The following THADA variants were observed in gnomAD, a reference collection of about 807,000 sequenced individuals.
THADA encodes the protein tRNA (32-2'-O)-methyltransferase regulator THADA.
THADA carries 213 observed loss-of-function variants against 219.8 expected under a neutral mutation model. That is an observed-to-expected ratio of 0.97 (90% CI 0.87 to 1.09). THADA has a LOEUF of 1.09. Among genes scored for constraint, THADA ranks in the 50% least tolerant of loss-of-function variants. The probability of loss-of-function intolerance (pLI) is 0.00; values close to 1 mark genes in which losing one functional copy is unlikely to be tolerated. For missense variants in THADA, 2,956 were observed against 2,311.3 expected (o/e 1.28, Z -5.72); for synonymous variants, 1,018 against 828.9 (o/e 1.23, Z -3.92).
intron 4 of THADA, among the ~76,000 whole-genome samples, chr2:43,589,484 A>T (rs893095901): frequency 2.6e-5 from 4 of 152,244 alleles, no homozygotes; most frequent in African/African-American, 9.6e-5. Flanking sequence ...TACTTAATGT[A>T]TACAGTTTCA....
intron 26 of THADA, among the ~76,000 whole-genome samples, chr2:43,432,982 CTATT>C (rs978414369): frequency 1.2e-4 from 18 of 152,218 alleles, no homozygotes; most frequent in African/African-American, 4.3e-4. Context: ...ACAAAGTTCA[CTATT>C]TAATCAATTT....
At chr2:43,343,137 C>G (rs1215567332) in intron 30 of THADA, 1 of 152,238 alleles carries the variant, frequency 6.6e-6, no homozygotes, top group East Asian at 1.9e-4. Flanking sequence ...AAACCATCCT[C>G]CTGCCTTAGC....
intron 7 of THADA, among the ~76,000 whole-genome samples, chr2:43,583,737 A>G (rs750042569): frequency 3.9e-4 from 59 of 152,302 alleles, no homozygotes; most frequent in South Asian, 1.0e-3. Context: ...AAAAGGAATG[A>G]AATTCTGATA....
chr2:43,324,511 C>T (rs770052016), intron 30 of THADA, among the ~76,000 whole-genome samples: 1 of 152,212 alleles, frequency 6.6e-6, no homozygotes, highest in Non-Finnish European at 1.5e-5. Context: ...AATTCCAGCC[C>T]GGAGCCCACT....
intron 26 of THADA, among the ~76,000 whole-genome samples, chr2:43,439,168 C>A (rs1488347401): frequency 6.6e-6 from 1 of 152,116 alleles, no homozygotes; most frequent in Non-Finnish European, 1.5e-5. Context: ...CTTGGTCAAA[C>A]ATGGTTCGAA....
At chr2:43,290,958 T>C (rs1237809261) in intron 34 of THADA, among the ~76,000 whole-genome samples, 1 of 152,092 alleles carries the variant, frequency 6.6e-6, no homozygotes, top group Non-Finnish European at 1.5e-5. Flanking sequence ...GGCCATGTTC[T>C]GGGGGAATAT....
Position 43,577,120 on chromosome 2 carries a change from C to T in THADA, c.939G>A (p.Gly313=), listed in dbSNP as rs772902803. Reference sequence around the variant, plus strand: ...TCTGCCAGTCCAACATGGCAAGTGTCCCCTGACAGAGGAATAAGACAGCTG... The same window carrying T: ...TCTGCCAGTCCAACATGGCAAGTGTTCCCTGACAGAGGAATAAGACAGCTG... ...SQSAVLFLCQ[G]TLAMLDWQNG... The change falls in exon 10 of 38, where the codon GGG becomes GGA. Residue 313 remains glycine, a synonymous_variant. Coordinates refer to ENST00000405975, the MANE Select transcript of THADA (RefSeq NM_022065.5). The T allele has an allele frequency of 3.7e-6, 6 of 1,613,002 alleles. No individual in the cohort carries two copies. The highest frequency in any genetic ancestry group is 2.2e-5 in the East Asian group (1 of 44,864).
intron 25 of THADA, among the ~76,000 whole-genome samples, chr2:43,486,029 A>C (rs1165856631): frequency 1.3e-5 from 2 of 152,052 alleles, no homozygotes; most frequent in Non-Finnish European, 2.9e-5. Flanking sequence ...GGCTGCAGTA[A>C]GCTATGATTG....
chr2:43,495,168 T>A (rs1267437679), intron 25 of THADA, among the ~76,000 whole-genome samples: 2 of 152,200 alleles, frequency 1.3e-5, no homozygotes, highest in Non-Finnish European at 2.9e-5. Flanking sequence ...AAGTGAATAC[T>A]TCTTCACATC....
intron 36 of THADA, among the ~76,000 whole-genome samples, chr2:43,262,489 G>T (rs558643245): frequency 6.6e-6 from 1 of 151,672 alleles, no homozygotes; most frequent in Admixed American, 6.5e-5. Context: ...CACTCATATG[G>T]AATGGACTGC....
rs763678654 is a variant in THADA at position 43,344,226 on chromosome 2, C to T, written c.4239G>A (p.Leu1413=). ...GTTTGGAGTCTGAGTAGGCTTGCAA[C>T]AAATGAAAAACCTAAACCAAAAAAG... is the stretch of plus-strand genomic sequence containing the variant. The part of the protein sequence containing the change: ...IHGTLLQVFH[L]LQAYSDSKHG... The change falls in exon 30 of 38, where the codon TTG becomes TTA. Residue 1413 remains leucine (L), a synonymous_variant. Coordinates refer to ENST00000405975, the MANE Select transcript of THADA (RefSeq NM_022065.5). 3.1e-5 allele frequency: 49 copies of T among 1,600,748 alleles called. No homozygotes were observed. The Middle Eastern group carries it at 5.0e-4, about 16-fold the overall frequency.
At chr2:43,375,967 AC>A (rs1401125624) in intron 29 of THADA, among the ~76,000 whole-genome samples, 1 of 152,148 alleles carries the variant, frequency 6.6e-6, no homozygotes, top group Non-Finnish European at 1.5e-5. Context: ...AAGAAACACC[AC>A]CCACCTGCAA....
At chr2:43,558,665 C>T (rs1383789135) in intron 16 of THADA, among the ~76,000 whole-genome samples, 1 of 152,164 alleles carries the variant, frequency 6.6e-6, no homozygotes. Context: ...TCAGCTTTAG[C>T]TTCCTTGCTC....
At chr2:43,424,637 T>C (rs1005278032) in intron 28 of THADA, among the ~76,000 whole-genome samples, 1 of 152,216 alleles carries the variant, frequency 6.6e-6, no homozygotes, top group Non-Finnish European at 1.5e-5. Flanking sequence ...CATACAGTTT[T>C]ATCACATTCA....
chr2:43,249,708 G>A (rs1669620943), intron 36 of THADA, among the ~76,000 whole-genome samples: 1 of 152,158 alleles, frequency 6.6e-6, no homozygotes, highest in Non-Finnish European at 1.5e-5. Flanking sequence ...CTGGGTGGCT[G>A]AGTCCCTTTC....
At chr2:43,322,671 A>ATACT (rs1558578381) in intron 30 of THADA, among the ~76,000 whole-genome samples, 3 of 79,884 alleles carry the variant, frequency 3.8e-5, no homozygotes, top group Admixed American at 1.4e-4. Flanking sequence ...AGCACATTCT[A>ATACT]TTCTTTTTTT....
intron 25 of THADA, among the ~76,000 whole-genome samples, chr2:43,489,684 T>C (rs1687369719): frequency 6.6e-6 from 1 of 152,110 alleles, no homozygotes; most frequent in African/African-American, 2.4e-5. Context: ...TGGGGGTTTA[T>C]TTCTGTACAA....
chr2:43,262,564 G>T (rs982847990), intron 36 of THADA, among the ~76,000 whole-genome samples: 2 of 152,200 alleles, frequency 1.3e-5, no homozygotes, highest in Non-Finnish European at 2.9e-5. Flanking sequence ...TCTGTCACAT[G>T]TAGACATCAG....
intron 26 of THADA, among the ~76,000 whole-genome samples, chr2:43,435,821 T>C (rs1680032333): frequency 7.1e-6 from 1 of 139,908 alleles, no homozygotes; most frequent in African/African-American, 2.7e-5. Context: ...AAAAAAGAAA[T>C]GCATGAGGGT....
Sources: gnomAD v4.1 joint callset for allele counts (sites outside exome capture counted in the v4.1 genomes callset) on GRCh38, gnomAD v4.1.1 for gene constraint, MANE v1.5 for transcripts, NCBI Gene and HGNC (gene_info 2026-07-23, HGNC 2026-07-21) for gene names.